Variants in PPP1R13L observed in about 807,000 individuals in gnomAD.
The protein encoded by PPP1R13L is relA-associated inhibitor.
PPP1R13L carries 50 observed loss-of-function variants against 80.9 expected under a neutral mutation model. The ratio of observed to expected loss-of-function variants is 0.62; its 90% confidence interval spans 0.49 to 0.78. The LOEUF is 0.78. Ranked by LOEUF, PPP1R13L falls within the 30% of genes least tolerant of loss-of-function variation. The pLI is 0.00. For missense variants in PPP1R13L, 1,200 were observed against 1,205.9 expected, an observed-to-expected ratio of 1.00 and a Z score of 0.07; for synonymous variants, 602 against 534.3, an observed-to-expected ratio of 1.13 and a Z score of -1.75.
Position 45,395,837 on chromosome 19 carries a change from AGAG to A in PPP1R13L, c.950_952del (p.Pro317del). ...CGCGTCTGAACGCCGGTCGCTGGCCAGAGGAGAGACCTTGTAATTGCGCGGCAG... is the reference window on the plus strand; with the variant it reads ...CGCGTCTGAACGCCGGTCGCTGGCCAGAGAGACCTTGTAATTGCGCGGCAG... On this transcript the variant is annotated inframe_deletion, in exon 7 of 13. Transcript: ENST00000360957. 1 of 1,597,704 alleles carries A rather than the reference AGAG, an allele frequency of 6.3e-7. No homozygotes were observed. The highest frequency in any genetic ancestry group is 8.5e-7 in the Non-Finnish European group (1 of 1,173,864).
chr19:45,404,860 T>G, intron 1 of PPP1R13L, 139 bp downstream of exon 1: 1 of 331,800 alleles, frequency 3.0e-6, no homozygotes, highest in Non-Finnish European at 4.3e-6. Flanking sequence ...GGCAACGGAG[T>G]TTCCTTCTAA....
intron 11 of PPP1R13L, 98 bp from the exon 12 acceptor site, chr19:45,382,824 T>G: frequency 8.9e-7 from 1 of 1,120,612 alleles, no homozygotes; most frequent in Non-Finnish European, 1.3e-6. Flanking sequence ...ATTTGGCGCC[T>G]GTCCCAGCAA....
At position 45,392,337 on chromosome 19, in the gene PPP1R13L, G is replaced by A. The variant is rs1245487905; in HGVS notation, c.1358C>T (p.Pro453Leu). 2 of 1,613,126 alleles carry A rather than the reference G, an allele frequency of 1.2e-6. No homozygotes were observed. The highest frequency in any genetic ancestry group is 1.7e-6 in the Non-Finnish European group (2 of 1,180,000). The change falls in exon 8 of 13, where the codon CCC becomes CTC. Residue 453 changes from proline (P) to leucine (L), a missense_variant. Physicochemically the swap from Pro to Leu is moderately conservative, Grantham distance 98. Transcript: ENST00000360957. ...QQTWPPVNEG[P>L]PKPPTELEPE... ...CTCCAGCTCGGTGGGGGGTTTGGGG[G>A]GTCCTAGCCGGAACAAGAGCCCATC...
chr19:45,394,187 A>G (rs1973035250), intron 7 of PPP1R13L, among the ~76,000 whole-genome samples: 1 of 152,176 alleles, frequency 6.6e-6, no homozygotes, highest in Non-Finnish European at 1.5e-5. Flanking sequence ...GCTGGAGTGC[A>G]GTGGCGCTAT....
At chr19:45,383,292 C>CATTT (rs1568553288) in intron 11 of PPP1R13L, among the ~76,000 whole-genome samples, 1 of 114,308 alleles carries the variant, frequency 8.7e-6, no homozygotes, top group African/African-American at 4.1e-5. Flanking sequence ...CCGCGCCCGG[C>CATTT]CTTTTTTTTT....
chr19:45,386,208 A>G, intron 8 of PPP1R13L, 28 bp from the exon 9 acceptor site: 2 of 1,483,622 alleles, frequency 1.3e-6, no homozygotes, highest in Non-Finnish European at 1.8e-6. Context: ...GAGGTCAGCG[A>G]CTTGGAGGGA....
chr19:45,399,652 AAAC>A (rs917622092), intron 1 of PPP1R13L, among the ~76,000 whole-genome samples: 6 of 146,874 alleles, frequency 4.1e-5, no homozygotes, highest in African/African-American at 1.5e-4. Flanking sequence ...AATATGTTTA[AAAC>A]AACAACAACA....
At chr19:45,400,371 C>A (rs894684109) in intron 1 of PPP1R13L, among the ~76,000 whole-genome samples, 1 of 151,894 alleles carries the variant, frequency 6.6e-6, no homozygotes, top group African/African-American at 2.4e-5. Flanking sequence ...GCCACCACAC[C>A]CACCAGCTCT....
At chr19:45,384,059 C>G (rs1301214224) in intron 11 of PPP1R13L, among the ~76,000 whole-genome samples, 2 of 151,976 alleles carry the variant, frequency 1.3e-5, no homozygotes, top group African/African-American at 4.8e-5. Flanking sequence ...AGCCACCGCG[C>G]CTGGCTTTCT....
intron 1 of PPP1R13L, 97 bp from the exon 2 acceptor site, chr19:45,398,436 A>T: frequency 8.4e-7 from 1 of 1,192,994 alleles, no homozygotes; most frequent in South Asian, 1.4e-5. Flanking sequence ...CAACGCCTCA[A>T]CTCAGTTCCT....
At chr19:45,394,065 G>C (rs748572513) in intron 7 of PPP1R13L, among the ~76,000 whole-genome samples, 2 of 152,136 alleles carry the variant, frequency 1.3e-5, no homozygotes, top group African/African-American at 4.8e-5. Flanking sequence ...AGTGAAGAGA[G>C]ACTCCAGCCC....
At chr19:45,400,602 CTTT>C (rs57044476) in intron 1 of PPP1R13L, among the ~76,000 whole-genome samples, 6 of 138,796 alleles carry the variant, frequency 4.3e-5, no homozygotes, top group African/African-American at 5.3e-5. Flanking sequence ...GGCAAATCAC[CTTT>C]TTTTTTTTTT....
chr19:45,386,017 G>T (rs773127646), intron 9 of PPP1R13L, 32 bp downstream of exon 9: 2 of 1,581,020 alleles, frequency 1.3e-6, no homozygotes, highest in African/African-American at 1.3e-5. Flanking sequence ...CGATGCCCCC[G>T]CCGTGCCCAC....
Position 45,396,612 on chromosome 19 carries a change from C to T in PPP1R13L, c.645G>A (p.Ala215=). ...CTAGCAGGGAGCTCCCGAAGGCGGACGCTGGCGCGTCGTAGGCTGTGGCAG... is the reference window on the plus strand; with the variant it reads ...CTAGCAGGGAGCTCCCGAAGGCGGATGCTGGCGCGTCGTAGGCTGTGGCAG... ...RPPATAYDAP[A]SAFGSSLLGS... is the part of the protein sequence containing the mutation. The change falls in exon 4 of 13, where the codon GCG becomes GCA. Residue 215 remains alanine (A), a synonymous_variant. Coordinates refer to ENST00000360957, the MANE Select transcript of PPP1R13L (RefSeq NM_006663.4). This position sits in a 1 kb window ranked among gnomAD's most constrained non-coding sequence, Gnocchi z 5.3. 1 of 1,494,926 alleles carries T rather than the reference C, an allele frequency of 6.7e-7. No homozygotes were observed. Among genetic ancestry groups the T allele is most frequent in the Non-Finnish European group, 8.8e-7 (1 of 1,131,244 alleles). The allele number at this position is 1,494,926 out of a possible 1,614,324, so 92.6% of individuals were successfully genotyped here.
upstream of PPP1R13L, chr19:45,406,229 A>G: frequency 2.2e-6 from 2 of 912,348 alleles, no homozygotes; most frequent in Non-Finnish European, 2.6e-6. This position sits in a 1 kb window ranked among gnomAD's most constrained non-coding sequence, Gnocchi z 4.2. Context: ...CTTGTGAGGC[A>G]TCTGGGCCTC....
In PPP1R13L at chr19:45,396,843, C is replaced by A. The variant is rs763252329; in HGVS notation, c.414G>T (p.Ala138=). Residue 138 remains alanine (A), a synonymous_variant, in exon 4 of 13, where the codon GCG becomes GCT. Transcript: ENST00000360957. The surrounding 1 kb of genome is among the most constrained non-coding windows in gnomAD (Gnocchi z 5.3). ...CGAAGGCGCGGGGCCGGGGCGAGGT[C>A]GCGCGGTCCAGGCTGCCGTAGGCGT... ...QPDAYGSLDR[A]TSPRPRAFDG... is the part of the protein sequence containing the mutation. The A allele has an allele frequency of 1.3e-5, 20 of 1,510,860 alleles. No homozygotes were observed. The highest frequency in any genetic ancestry group is 4.4e-5 in the Admixed American group (2 of 45,890). The allele number at this position is 1,510,860 out of a possible 1,614,324, so 93.6% of individuals were successfully genotyped here.
In PPP1R13L at chr19:45,391,920, G is replaced by C. The variant is rs1972980419; in HGVS notation, c.1775C>G (p.Ala592Gly). The C allele has an allele frequency of 6.7e-7, 1 of 1,501,110 alleles. No individual in the cohort carries two copies. Among genetic ancestry groups the C allele is most frequent in the Non-Finnish European group, 8.9e-7 (1 of 1,128,402 alleles). The allele number at this position is 1,501,110 out of a possible 1,614,324, so 93.0% of individuals were successfully genotyped here. The change falls in exon 8 of 13, where the codon GCC (alanine) becomes GGC (glycine). Residue 592 changes from alanine to glycine, a missense_variant. Coordinates refer to ENST00000360957, the MANE Select transcript of PPP1R13L (RefSeq NM_006663.4). ...CTCTGGTGGGCTGCTCTGGGACGGGGCCGGGGGTGGAATGGGAGCTGGTGG... is the reference window on the plus strand; with the variant it reads ...CTCTGGTGGGCTGCTCTGGGACGGGCCCGGGGGTGGAATGGGAGCTGGTGG... ...PAPPAPIPPP[A>G]PSQSSPPEQP...
intron 1 of PPP1R13L, among the ~76,000 whole-genome samples, chr19:45,404,101 G>A (rs1321450191): frequency 6.6e-6 from 1 of 152,156 alleles, no homozygotes; most frequent in Non-Finnish European, 1.5e-5. Flanking sequence ...TGCAGAAGAA[G>A]GAGGAGGCAG....
intron 12 of PPP1R13L, among the ~76,000 whole-genome samples, chr19:45,380,797 C>T (rs563964773): frequency 2.7e-5 from 4 of 150,468 alleles, no homozygotes; most frequent in African/African-American, 9.8e-5. Flanking sequence ...CCAGCCTGGG[C>T]GACGCAGCTG....
Sources: allele counts gnomAD v4.1 joint callset (sites outside exome capture counted in the v4.1 genomes callset), GRCh38; gene constraint gnomAD v4.1.1; non-coding constraint Gnocchi (gnomAD v3.1); transcripts MANE v1.5; gene names NCBI Gene and HGNC (gene_info 2026-07-23, HGNC 2026-07-21).